Variants in PCDH15 observed in about 807,000 individuals in gnomAD.
The protein encoded by PCDH15 is protocadherin related 15.
In PCDH15, 129 loss-of-function variants were observed where a neutral mutation model predicts 178.5. The observed-to-expected ratio is 0.72, with a 90% CI of 0.63 to 0.84. The LOEUF (loss-of-function observed/expected upper bound fraction) is 0.84, where lower values mean the gene tolerates loss of function less well. PCDH15 is among the 40% of genes least tolerant of loss of function. PCDH15 has a pLI of 0.00. For synonymous variants in PCDH15, 800 were observed against 732.0 expected, an observed-to-expected ratio of 1.09 and a Z score of -1.50; for missense variants, 2,230 against 2,099.9, an observed-to-expected ratio of 1.06 and a Z score of -1.21.
chr10:55,079,856 G>T (rs1462288122), intron 2 of PCDH15, among the ~76,000 whole-genome samples: 1 of 152,082 alleles, frequency 6.6e-6, no homozygotes, highest in African/African-American at 2.4e-5. Context: ...TGATTCCCAG[G>T]TCTTCAGAAG....
chr10:54,762,315 TAAAA>T (rs1947984095), intron 1 of PCDH15, among the ~76,000 whole-genome samples: 1 of 152,064 alleles, frequency 6.6e-6, no homozygotes. Context: ...ATGTCGTACT[TAAAA>T]AAATGCAAGA....
At chr10:55,277,686 A>G (rs1842628671) in intron 1 of PCDH15, among the ~76,000 whole-genome samples, 1 of 151,906 alleles carries the variant, frequency 6.6e-6, no homozygotes, top group Non-Finnish European at 1.5e-5. Flanking sequence ...CTCGTCTCAG[A>G]GCTTGTCAGC....
intron 2 of PCDH15, among the ~76,000 whole-genome samples, chr10:55,357,638 A>G (rs1845113163): frequency 6.6e-6 from 1 of 152,032 alleles, no homozygotes; most frequent in Non-Finnish European, 1.5e-5. Flanking sequence ...GCACATAACT[A>G]CTTCTAATAA....
chr10:54,479,117 G>T (rs1055781466), intron 3 of PCDH15, among the ~76,000 whole-genome samples: 6 of 151,784 alleles, frequency 4.0e-5, no homozygotes, highest in Non-Finnish European at 7.4e-5. Context: ...ATTGTACATA[G>T]ATTTTTTATT....
chr10:54,524,782 A>T (rs527449986), intron 3 of PCDH15, among the ~76,000 whole-genome samples: 1 of 152,342 alleles, frequency 6.6e-6, no homozygotes, highest in African/African-American at 2.4e-5. Context: ...AGGAACTAAC[A>T]TATCTCTTTG....
intron 2 of PCDH15, among the ~76,000 whole-genome samples, chr10:55,010,857 T>C (rs1437923086): frequency 6.6e-6 from 1 of 152,110 alleles, no homozygotes; most frequent in African/African-American, 2.4e-5. Context: ...ATCTCTCTAG[T>C]CTCTGGACTC....
At chr10:54,305,425 C>A (rs1172380638) in intron 8 of PCDH15, among the ~76,000 whole-genome samples, 1 of 151,662 alleles carries the variant, frequency 6.6e-6, no homozygotes. Flanking sequence ...TACCTTTATA[C>A]AAAGTCATTC....
chr10:54,033,035 G>GATT (rs2093336843), intron 18 of PCDH15, among the ~76,000 whole-genome samples: 1 of 151,770 alleles, frequency 6.6e-6, no homozygotes, highest in African/African-American at 2.4e-5. Flanking sequence ...GACAAGTGGG[G>GATT]ATTATAGGTC....
intron 2 of PCDH15, among the ~76,000 whole-genome samples, chr10:55,068,531 C>A (rs1157420460): frequency 1.3e-5 from 2 of 151,958 alleles, no homozygotes; most frequent in African/African-American, 4.8e-5. Context: ...TAGTATGATT[C>A]CTTCAGCTTT....
chr10:53,837,263 A>G (rs1415887830), intron 29 of PCDH15, among the ~76,000 whole-genome samples: 1 of 152,052 alleles, frequency 6.6e-6, no homozygotes, highest in East Asian at 1.9e-4. Context: ...TCAAAATCAA[A>G]CTCACAAAAA....
chr10:54,118,569 A>G (rs1052363127), intron 15 of PCDH15, among the ~76,000 whole-genome samples: 1 of 152,148 alleles, frequency 6.6e-6, no homozygotes, highest in African/African-American at 2.4e-5. Context: ...CTGAGTCAGG[A>G]GAATGGCATG....
intron 2 of PCDH15, among the ~76,000 whole-genome samples, chr10:55,070,358 C>T (rs1021005030): frequency 5.9e-5 from 9 of 151,504 alleles, no homozygotes; most frequent in African/African-American, 2.2e-4. Flanking sequence ...TTGCCCATGC[C>T]TATGTCCTGA....
chr10:54,995,235 G>C (rs1839608791), intron 2 of PCDH15, among the ~76,000 whole-genome samples: 1 of 151,936 alleles, frequency 6.6e-6, no homozygotes, highest in African/African-American at 2.4e-5. Context: ...AATTAGCCAA[G>C]TGTGGTCATG....
intron 1 of PCDH15, among the ~76,000 whole-genome samples, chr10:55,232,387 T>C (rs554263872): frequency 1.3e-5 from 2 of 152,206 alleles, no homozygotes; most frequent in East Asian, 3.9e-4. Flanking sequence ...TTTATTCTTG[T>C]AGAAAGTTAT....
At chr10:54,274,172 A>G (rs936711536) in intron 8 of PCDH15, among the ~76,000 whole-genome samples, 4 of 151,886 alleles carry the variant, frequency 2.6e-5, no homozygotes, top group Admixed American at 1.3e-4. Flanking sequence ...AAGACAAAAA[A>G]AATAACTAAT....
intron 1 of PCDH15, among the ~76,000 whole-genome samples, chr10:54,696,970 G>T (rs1178897236): frequency 6.6e-6 from 1 of 151,992 alleles, no homozygotes; most frequent in Non-Finnish European, 1.5e-5. Context: ...TTTTAGAGAT[G>T]GTGTATCACT....
chr10:54,511,666 A>G (rs1363899584), intron 3 of PCDH15, among the ~76,000 whole-genome samples: 2 of 152,158 alleles, frequency 1.3e-5, no homozygotes, highest in African/African-American at 4.8e-5. Context: ...AACTCCTGGA[A>G]TTTTAACTCT....
intron 3 of PCDH15, among the ~76,000 whole-genome samples, chr10:54,499,090 T>G (rs1410793979): frequency 6.6e-6 from 1 of 152,124 alleles, no homozygotes; most frequent in African/African-American, 2.4e-5. Flanking sequence ...CAACATGAAA[T>G]TTGGGTGGGG....
chr10:54,917,818 G>T (rs1201269166), intron 2 of PCDH15, among the ~76,000 whole-genome samples: 1 of 152,120 alleles, frequency 6.6e-6, no homozygotes, highest in African/African-American at 2.4e-5. Context: ...TGACAAATTT[G>T]TGCACTAAGG....
Sources: allele counts gnomAD v4.1 joint callset (sites outside exome capture counted in the v4.1 genomes callset), GRCh38; gene constraint gnomAD v4.1.1; transcripts MANE v1.5; gene names NCBI Gene and HGNC (gene_info 2026-07-23, HGNC 2026-07-21).